Variants in PCDH15 observed in about 807,000 individuals in gnomAD.
The protein encoded by PCDH15 is protocadherin related 15.
A neutral mutation model predicts 178.5 loss-of-function variants in PCDH15; 129 were observed. The observed-to-expected ratio is 0.72, with a 90% CI of 0.63 to 0.84. The LOEUF (loss-of-function observed/expected upper bound fraction) is 0.84. PCDH15 is among the 40% of genes least tolerant of loss of function. PCDH15 has a pLI of 0.00. For synonymous variants in PCDH15, 800 were observed against 732.0 expected (o/e 1.09, Z -1.50); for missense variants, 2,230 against 2,099.9 (o/e 1.06, Z -1.21).
chr10:55,486,906 T>A (rs1354071636), intron 2 of PCDH15, among the ~76,000 whole-genome samples: 1 of 151,574 alleles, frequency 6.6e-6, no homozygotes, highest in Non-Finnish European at 1.5e-5. Flanking sequence ...CAAGAACCAA[T>A]ATTTTATGGG....
chr10:54,367,402 G>A (rs1255715571), intron 5 of PCDH15, among the ~76,000 whole-genome samples: 1 of 152,042 alleles, frequency 6.6e-6, no homozygotes, highest in African/African-American at 2.4e-5. Context: ...AGATTAGAGA[G>A]GGAAGTGGAA....
chr10:55,359,847 T>C (rs528533327), intron 2 of PCDH15, among the ~76,000 whole-genome samples: 1 of 151,330 alleles, frequency 6.6e-6, no homozygotes, highest in African/African-American at 2.4e-5. Flanking sequence ...ACAATCTAGA[T>C]GAACTTGTAG....
intron 1 of PCDH15, among the ~76,000 whole-genome samples, chr10:55,209,351 T>C (rs192557742): frequency 6.6e-6 from 1 of 152,192 alleles, no homozygotes; most frequent in Admixed American, 6.5e-5. Context: ...GAGAGATGAC[T>C]TGAAAATATG....
intron 1 of PCDH15, among the ~76,000 whole-genome samples, chr10:54,687,043 T>A (rs1203213463): frequency 6.6e-6 from 1 of 152,122 alleles, no homozygotes; most frequent in South Asian, 2.1e-4. Flanking sequence ...ATGTCCCTAA[T>A]GATAAGAAGA....
At chr10:54,829,876 G>T (rs1953194755) in intron 3 of PCDH15, among the ~76,000 whole-genome samples, 1 of 152,040 alleles carries the variant, frequency 6.6e-6, no homozygotes, top group Non-Finnish European at 1.5e-5. Flanking sequence ...TTGTTGTTAT[G>T]CACTATCACA....
At chr10:54,638,116 A>T (rs2093904816) in intron 2 of PCDH15, among the ~76,000 whole-genome samples, 1 of 152,002 alleles carries the variant, frequency 6.6e-6, no homozygotes, top group South Asian at 2.1e-4. Context: ...CACATTTTGT[A>T]ACTCGCACAA....
intron 1 of PCDH15, among the ~76,000 whole-genome samples, chr10:55,168,849 T>C (rs1839260819): frequency 6.6e-6 from 1 of 152,162 alleles, no homozygotes; most frequent in Non-Finnish European, 1.5e-5. Flanking sequence ...AAATTATTAC[T>C]TAAATGCTGA....
intron 30 of PCDH15, among the ~76,000 whole-genome samples, chr10:53,829,714 G>C (rs2076905695): frequency 6.6e-6 from 1 of 152,078 alleles, no homozygotes; most frequent in East Asian, 1.9e-4. Context: ...TGTAGTTTCA[G>C]GTTGGAATTA....
chr10:55,023,295 A>G (rs1387151794), intron 2 of PCDH15, among the ~76,000 whole-genome samples: 1 of 152,200 alleles, frequency 6.6e-6, no homozygotes, highest in Admixed American at 6.5e-5. Flanking sequence ...TGGTAACTTA[A>G]GTGTGTACCT....
intron 2 of PCDH15, among the ~76,000 whole-genome samples, chr10:55,624,643 A>C (rs754220991): frequency 6.6e-6 from 1 of 152,174 alleles, no homozygotes; most frequent in Non-Finnish European, 1.5e-5. Flanking sequence ...CTGTATATGA[A>C]AATAGTACAA....
intron 3 of PCDH15, among the ~76,000 whole-genome samples, chr10:54,406,680 A>G (rs748092467): frequency 2.6e-5 from 4 of 152,142 alleles, no homozygotes; most frequent in Non-Finnish European, 5.9e-5. Context: ...TTTGTAACAC[A>G]TGATGCTAGG....
chr10:54,153,409 C>T, intron 13 of PCDH15, 116 bp from the exon 14 acceptor site: 2 of 1,144,610 alleles, frequency 1.7e-6, no homozygotes, highest in Non-Finnish European at 2.6e-6. Flanking sequence ...GGAAAGTTTC[C>T]TTGACATATA....
At chr10:54,012,536 C>T (rs1254900617) in intron 20 of PCDH15, among the ~76,000 whole-genome samples, 2 of 151,938 alleles carry the variant, frequency 1.3e-5, no homozygotes, top group Admixed American at 6.6e-5. Context: ...AATATAAAGG[C>T]AGCTAGAAAG....
At chr10:53,984,998 T>C (rs2090996491) in intron 21 of PCDH15, among the ~76,000 whole-genome samples, 2 of 152,292 alleles carry the variant, frequency 1.3e-5, no homozygotes, top group Non-Finnish European at 1.5e-5. Flanking sequence ...CTATTCTCAC[T>C]ATGTGAAAAG....
intron 2 of PCDH15, among the ~76,000 whole-genome samples, chr10:55,511,896 C>T (rs1402700273): frequency 1.3e-5 from 2 of 151,900 alleles, no homozygotes; most frequent in Admixed American, 6.6e-5. Context: ...TTTTCATTGG[C>T]GATTGAAATC....
chr10:54,103,751 T>C lies in PCDH15; in HGVS notation c.1918-13688A>G, dbSNP rs908804188. Among the ~76,000 whole-genome samples the C allele has an allele frequency of 2.6e-5, 4 of 152,262 alleles. No individual in the cohort carries two copies. The East Asian group carries it at 7.7e-4, about 29-fold the overall frequency. ...AGCTAACCAGACAAATAAATTATTA[T>C]AACCTTTTTTTAACTCCTGAAGCTG... is the stretch of plus-strand genomic sequence containing the variant. On this transcript the variant is annotated intron_variant, in intron 15 of 37. Coordinates refer to ENST00000644397, the MANE Select transcript of PCDH15 (RefSeq NM_001384140.1).
rs142997227 is a variant in PCDH15 at position 54,288,274 on chromosome 10, T to C, written c.876+28997A>G. 3.2e-3 allele frequency among the ~76,000 whole-genome samples: 485 copies of C among 152,228 alleles called. 6 individuals are homozygous for C. Among genetic ancestry groups the C allele is most frequent in the African/African-American group, 9.0e-3 (374 of 41,554 alleles). On this transcript the variant is annotated intron_variant, in intron 8 of 37. Transcript: ENST00000644397. ...GGGAGAGGTTGTGGTAAGCCGAGATTGTGCCACTGCACTCCAGCTTGGGCA... is the reference window on the plus strand; with the variant it reads ...GGGAGAGGTTGTGGTAAGCCGAGATCGTGCCACTGCACTCCAGCTTGGGCA...
intron 23 of PCDH15, among the ~76,000 whole-genome samples, chr10:53,955,488 A>G (rs1202566588): frequency 6.6e-6 from 1 of 152,142 alleles, no homozygotes; most frequent in Non-Finnish European, 1.5e-5. Flanking sequence ...TATCTTTAAA[A>G]TCTCTCTTTT....
intron 2 of PCDH15, among the ~76,000 whole-genome samples, chr10:54,588,668 C>T (rs2091668338): frequency 7.4e-5 from 1 of 13,588 alleles, no homozygotes; most frequent in Non-Finnish European, 4.0e-4. Flanking sequence ...GCCTCTACTT[C>T]CCACTCAAGC....
Sources: gnomAD v4.1 joint callset for allele counts (sites outside exome capture counted in the v4.1 genomes callset) on GRCh38, gnomAD v4.1.1 for gene constraint, MANE v1.5 for transcripts, NCBI Gene and HGNC (gene_info 2026-07-23, HGNC 2026-07-21) for gene names.